SNAP91: variants seen among roughly 807,000 people sequenced by gnomAD.
SNAP91 encodes the protein synaptosome associated protein 91.
Under a neutral mutation model 100.3 loss-of-function variants are expected in SNAP91, and 27 were observed. The ratio of observed to expected loss-of-function variants is 0.27; its 90% CI spans 0.20 to 0.37. SNAP91 has a LOEUF of 0.37. SNAP91 is among the 10% of genes least tolerant of loss of function. The pLI, the probability that SNAP91 is intolerant of heterozygous loss-of-function variation, is 1.00. For synonymous variants in SNAP91, 404 were observed against 398.6 expected, an observed-to-expected ratio of 1.01 and a Z score of -0.16; for missense variants, 986 against 1,123.7, an observed-to-expected ratio of 0.88 and a Z score of 1.75.
Position 83,671,476 on chromosome 6 carries a change from C to A in SNAP91, c.131-5895G>T, listed in dbSNP as rs184177667. Among the ~76,000 whole-genome samples, 5 of 152,158 alleles carry A rather than the reference C, an allele frequency of 3.3e-5. No individual in the cohort carries two copies. The East Asian group carries it at 9.6e-4, about 29-fold the overall frequency. ...CTTTGCCTGGTGTTCAATATACTGA[C>A]AACACTTATTTAATATGCTTTTGTC... On this transcript the variant is annotated intron_variant, in intron 2 of 29. Transcript: ENST00000369694.
intron 12 of SNAP91, among the ~76,000 whole-genome samples, chr6:83,608,337 A>ATGAC (rs1212306737): frequency 2.0e-5 from 3 of 152,188 alleles, no homozygotes; most frequent in Non-Finnish European, 4.4e-5. Context: ...TGAAGATATC[A>ATGAC]TGACTATAGC....
intron 1 of SNAP91, 94 bp from the exon 2 acceptor site, chr6:83,708,051 TCTC>T: frequency 2.6e-6 from 3 of 1,146,642 alleles, no homozygotes; most frequent in Non-Finnish European, 3.5e-6. Context: ...GCGGCGGCTC[TCTC>T]CTCCTCCATC....
chr6:83,565,458 C>T (rs1795217718), intron 26 of SNAP91, among the ~76,000 whole-genome samples: 1 of 152,076 alleles, frequency 6.6e-6, no homozygotes. Flanking sequence ...GCTAAGATGC[C>T]ATCTAAGCCC....
At chr6:83,707,018 C>T (rs1353379930) in intron 2 of SNAP91, among the ~76,000 whole-genome samples, 2 of 152,146 alleles carry the variant, frequency 1.3e-5, no homozygotes, top group Non-Finnish European at 2.9e-5. Flanking sequence ...AAAGCCTTTT[C>T]CATCAAATAA....
chr6:83,669,333 A>G (rs950921078), intron 2 of SNAP91, among the ~76,000 whole-genome samples: 1 of 152,168 alleles, frequency 6.6e-6, no homozygotes, highest in South Asian at 2.1e-4. Context: ...ATTTAAAAAA[A>G]TAAAGTATAG....
At chr6:83,670,290 G>A (rs575151915) in intron 2 of SNAP91, among the ~76,000 whole-genome samples, 11 of 147,324 alleles carry the variant, frequency 7.5e-5, no homozygotes, top group South Asian at 6.4e-4. Flanking sequence ...GATATCTCTC[G>A]GTGGTTTTTC....
chr6:83,555,678 TCTG>T (rs1400546484), intron 29 of SNAP91, among the ~76,000 whole-genome samples: 4 of 152,146 alleles, frequency 2.6e-5, no homozygotes, highest in African/African-American at 9.7e-5. Context: ...AATTTAAAAC[TCTG>T]CTTGAATGCA....
At chr6:83,562,879 G>A (rs1388978256) in intron 26 of SNAP91, among the ~76,000 whole-genome samples, 1 of 152,146 alleles carries the variant, frequency 6.6e-6, no homozygotes, top group Non-Finnish European at 1.5e-5. Context: ...TGTCCTGGAT[G>A]GCTCCCCACT....
At chr6:83,586,669 T>C (rs1012449095) in intron 22 of SNAP91, among the ~76,000 whole-genome samples, 14 of 152,210 alleles carry the variant, frequency 9.2e-5, no homozygotes, top group Admixed American at 5.2e-4. Flanking sequence ...AATATTTACT[T>C]TTATTATTTA....
intron 14 of SNAP91, among the ~76,000 whole-genome samples, chr6:83,602,902 C>T (rs1480606968): frequency 1.3e-5 from 2 of 152,032 alleles, no homozygotes; most frequent in African/African-American, 4.8e-5. Flanking sequence ...GGCTTAAAAC[C>T]TAGATAACTG....
chr6:83,707,828 C>G lies in SNAP91; in HGVS notation c.100G>C (p.Val34Leu), dbSNP rs1209940599. ...AGGTGCTTTTTCTTGGGGCCCATTA[C>G]TTCATGAGTAGTGGCTTTGCAGACC... ...RAVCKATTHE[V>L]MGPKKKHLDY... Residue 34 changes from valine to leucine, a missense_variant, in exon 2 of 30, where the codon GTA (valine) becomes CTA (leucine). Transcript: ENST00000369694. 6.2e-7 allele frequency: 1 copy of G among 1,613,454 alleles called. No homozygotes were observed. Among genetic ancestry groups the G allele is most frequent in the Admixed American group, 1.7e-5 (1 of 59,902 alleles).
intron 22 of SNAP91, 89 bp from the exon 23 acceptor site, chr6:83,582,445 G>A: frequency 3.0e-6 from 4 of 1,348,942 alleles, no homozygotes; most frequent in Non-Finnish European, 3.0e-6. Context: ...ATAGAAAACT[G>A]AAAAGGAATT....
At chr6:83,565,601 C>T (rs943376607) in intron 26 of SNAP91, among the ~76,000 whole-genome samples, 1 of 152,010 alleles carries the variant, frequency 6.6e-6, no homozygotes, top group Non-Finnish European at 1.5e-5. Context: ...ACAGCCCCAG[C>T]CAGAGAGTGT....
chr6:83,665,177 T>C (rs2098655610), intron 3 of SNAP91, among the ~76,000 whole-genome samples: 1 of 152,098 alleles, frequency 6.6e-6, no homozygotes, highest in Non-Finnish European at 1.5e-5. Context: ...TAGCTTTTTT[T>C]TGCAGTGGTC....
rs768800304 is a variant in SNAP91 at position 83,614,839 on chromosome 6, A to G, written c.884+18T>C. ...AGTAATTACCAAATGCAAAAAACTCACTCCATACAGTACTCACCCTTCACT... is the reference window on the plus strand; with the variant it reads ...AGTAATTACCAAATGCAAAAAACTCGCTCCATACAGTACTCACCCTTCACT... On this transcript the variant is annotated intron_variant, in intron 11 of 29. Coordinates refer to ENST00000369694, the MANE Select transcript of SNAP91 (RefSeq NM_001242792.2). 6.4e-7 allele frequency: 1 copy of G among 1,566,898 alleles called. No individual in the cohort carries two copies. The highest frequency in any genetic ancestry group is 1.8e-5 in the Admixed American group (1 of 56,694).
rs143114552 is a variant in SNAP91 at position 83,707,994 on chromosome 6, C to T, written c.-30-37G>A. 1,040 of 1,491,244 alleles carry T rather than the reference C, an allele frequency of 7.0e-4. 6 individuals carry two copies. The African/African-American group carries it at 0.011, about 16-fold the overall frequency. The allele number at this position is 1,491,244 out of a possible 1,614,324, so 92.4% of individuals were successfully genotyped here. A position where few individuals can be genotyped will look rare whatever the true frequency, so the allele number is the denominator to read the frequency against. On this transcript the variant is annotated intron_variant, in intron 1 of 29. Transcript: ENST00000369694. Reference sequence around the variant, plus strand: ...AAGGGGAGACGGTCCGGCTTTAATCCGCAGACCCTACCCTCCAAGCACCCA... The same window carrying T: ...AAGGGGAGACGGTCCGGCTTTAATCTGCAGACCCTACCCTCCAAGCACCCA...
At chr6:83,706,852 G>A (rs2099388981) in intron 2 of SNAP91, among the ~76,000 whole-genome samples, 1 of 152,226 alleles carries the variant, frequency 6.6e-6, no homozygotes, top group South Asian at 2.1e-4. Flanking sequence ...AGCAACTGCT[G>A]AACATACACT....
In SNAP91 at chr6:83,662,425, GA is replaced by G. The variant is rs1174218640; in HGVS notation, c.274-4del. 1.6e-6 allele frequency: 2 copies of G among 1,216,946 alleles called. No homozygotes were observed. Among genetic ancestry groups the G allele is most frequent in the Admixed American group, 3.0e-5 (1 of 33,088 alleles). 75.4% of individuals were successfully genotyped at this position (1,216,946 alleles called of 1,614,324 possible). On this transcript the variant is annotated splice_polypyrimidine_tract_variant and splice_region_variant and intron_variant, in intron 3 of 29. Transcript: ENST00000369694. ...GAAGCCAAATATTGAATAAATCTCT[GA>G]AAAACAAAAATTAGAATTAAACACA... is the stretch of plus-strand genomic sequence containing the variant.
chr6:83,574,471 G>A (rs1814471774), intron 26 of SNAP91, among the ~76,000 whole-genome samples: 1 of 151,954 alleles, frequency 6.6e-6, no homozygotes, highest in Non-Finnish European at 1.5e-5. Flanking sequence ...TTTTAAAATG[G>A]TGAGCAAAAG....
Sources: gnomAD v4.1 joint callset for allele counts (sites outside exome capture counted in the v4.1 genomes callset) on GRCh38, gnomAD v4.1.1 for gene constraint, MANE v1.5 for transcripts, NCBI Gene and HGNC (gene_info 2026-07-23, HGNC 2026-07-21) for gene names.